The following CPQ variants were observed in gnomAD, a reference collection of about 807,000 sequenced individuals.
CPQ encodes the protein carboxypeptidase Q, also known as Ser-Met dipeptidase.
Under a neutral mutation model 45.7 loss-of-function variants are expected in CPQ, and 37 were observed. The ratio of observed to expected loss-of-function variants is 0.81; its 90% confidence interval spans 0.62 to 1.07. CPQ has a LOEUF of 1.07. CPQ is among the 50% of genes least tolerant of loss of function. The probability of loss-of-function intolerance (pLI) is 0.00; values close to 1 mark genes in which losing one functional copy is unlikely to be tolerated. For synonymous variants in CPQ, 186 were observed against 205.8 expected (o/e 0.90, Z 0.82); for missense variants, 537 against 572.9 (o/e 0.94, Z 0.64).
intron 5 of CPQ, among the ~76,000 whole-genome samples, chr8:96,991,563 ATAATAAT>A (rs1312780377): frequency 3.2e-5 from 1 of 31,200 alleles, no homozygotes; most frequent in Non-Finnish European, 5.5e-5. Flanking sequence ...CATAATAATA[ATAATAAT>A]AATAATAATA....
intron 4 of CPQ, among the ~76,000 whole-genome samples, chr8:96,893,931 G>GTCTGACT (rs1178442849): frequency 6.6e-6 from 1 of 152,150 alleles, no homozygotes; most frequent in Non-Finnish European, 1.5e-5. Context: ...TGTACTTAGT[G>GTCTGACT]TCTGACTTCT....
At chr8:97,065,376 G>A (rs148875942) in intron 6 of CPQ, among the ~76,000 whole-genome samples, 2,088 of 152,270 alleles carry the variant, frequency 0.014, 25 homozygotes, top group South Asian at 0.051. Context: ...GCCTGGCAGC[G>A]TTGCCTGGAA....
chr8:96,843,851 T>C (rs1811650150), intron 3 of CPQ, among the ~76,000 whole-genome samples: 1 of 152,216 alleles, frequency 6.6e-6, no homozygotes, highest in African/African-American at 2.4e-5. Context: ...TTATGTAAAT[T>C]TCGGCAAAGT....
At chr8:97,120,014 G>C (rs774671541) in intron 7 of CPQ, among the ~76,000 whole-genome samples, 1 of 152,194 alleles carries the variant, frequency 6.6e-6, no homozygotes, top group Non-Finnish European at 1.5e-5. Context: ...GCTTGTTTCT[G>C]TTAAAACTTG....
At chr8:96,771,611 A>G (rs1380180750) in intron 1 of CPQ, among the ~76,000 whole-genome samples, 1 of 152,138 alleles carries the variant, frequency 6.6e-6, no homozygotes. Context: ...ATGAATGACT[A>G]TAAGAAGAAA....
At chr8:97,053,930 G>A (rs1388264371) in intron 6 of CPQ, among the ~76,000 whole-genome samples, 2 of 152,066 alleles carry the variant, frequency 1.3e-5, no homozygotes, top group Admixed American at 6.6e-5. Context: ...TGCATATGGA[G>A]TATGAGAGAA....
intron 1 of CPQ, among the ~76,000 whole-genome samples, chr8:96,711,788 A>G (rs1809611416): frequency 6.6e-6 from 1 of 152,104 alleles, no homozygotes; most frequent in Non-Finnish European, 1.5e-5. Context: ...CAGCCAAACC[A>G]TATCATTCTG....
chr8:96,822,223 G>A (rs1811317367), intron 2 of CPQ, among the ~76,000 whole-genome samples: 1 of 151,930 alleles, frequency 6.6e-6, no homozygotes, highest in Non-Finnish European at 1.5e-5. Flanking sequence ...TGTTGCAAAT[G>A]ACAATATTTC....
intron 1 of CPQ, among the ~76,000 whole-genome samples, chr8:96,743,921 G>C (rs947353173): frequency 6.6e-6 from 1 of 150,382 alleles, no homozygotes; most frequent in East Asian, 2.0e-4. Flanking sequence ...GGTTACTGCT[G>C]TCTTTTTGTT....
chr8:96,768,938 G>T lies in CPQ; in HGVS notation c.-34-15926G>T, dbSNP rs186488361. ...CTAGTTTAGAGGAAGATAACATGGG[G>T]AAAACATGCTGTTTAGCAATAAAAA... On this transcript the variant is annotated intron_variant, in intron 1 of 7. Coordinates refer to ENST00000220763, the MANE Select transcript of CPQ (RefSeq NM_016134.4). 4.8e-4 allele frequency among the ~76,000 whole-genome samples: 73 copies of T among 152,300 alleles called. 1 individual carries two copies. The highest frequency in any genetic ancestry group is 1.8e-3 in the African/African-American group (73 of 41,574).
intron 5 of CPQ, among the ~76,000 whole-genome samples, chr8:96,986,622 T>A (rs2130397153): frequency 6.6e-6 from 1 of 152,194 alleles, no homozygotes; most frequent in East Asian, 1.9e-4. Flanking sequence ...TGAAGGACAG[T>A]GGGCAGAACA....
intron 5 of CPQ, among the ~76,000 whole-genome samples, chr8:96,976,499 TC>T (rs1813788781): frequency 6.6e-6 from 1 of 151,540 alleles, no homozygotes. Flanking sequence ...AGAAAAAACA[TC>T]CTAAAATTAA....
intron 7 of CPQ, among the ~76,000 whole-genome samples, chr8:97,103,423 T>TAA (rs1439161676): frequency 2.0e-5 from 3 of 152,200 alleles, no homozygotes; most frequent in African/African-American, 7.2e-5. Context: ...TTTTTTAAAC[T>TAA]CTAGTGTTAT....
At chr8:96,976,563 C>T (rs544359567) in intron 5 of CPQ, among the ~76,000 whole-genome samples, 2 of 152,136 alleles carry the variant, frequency 1.3e-5, no homozygotes, top group Non-Finnish European at 2.9e-5. Context: ...GCAAAAAGAA[C>T]AAATCTGGAA....
intron 1 of CPQ, among the ~76,000 whole-genome samples, chr8:96,774,423 T>A (rs544563184): frequency 6.6e-6 from 1 of 152,076 alleles, no homozygotes; most frequent in African/African-American, 2.4e-5. Flanking sequence ...ATAAATCTGG[T>A]GGCAATGTGG....
At chr8:96,931,805 G>A (rs1417938555) in intron 4 of CPQ, among the ~76,000 whole-genome samples, 2 of 152,168 alleles carry the variant, frequency 1.3e-5, no homozygotes, top group Admixed American at 1.3e-4. Flanking sequence ...ACTTCATTTG[G>A]TAGGGCTGGG....
At chr8:96,985,352 T>C (rs1469180897) in intron 5 of CPQ, among the ~76,000 whole-genome samples, 1 of 152,134 alleles carries the variant, frequency 6.6e-6, no homozygotes, top group Non-Finnish European at 1.5e-5. Context: ...CCTTCTGTAA[T>C]CCATACAGAA....
intron 7 of CPQ, among the ~76,000 whole-genome samples, chr8:97,126,508 G>C (rs998533146): frequency 1.3e-5 from 2 of 152,092 alleles, no homozygotes; most frequent in Non-Finnish European, 2.9e-5. Context: ...AACTTTCACA[G>C]TACATAGAAA....
chr8:96,730,915 A>G (rs915611826), intron 1 of CPQ, among the ~76,000 whole-genome samples: 2 of 118,180 alleles, frequency 1.7e-5, no homozygotes, highest in African/African-American at 2.9e-5. Context: ...AAAAAGATAC[A>G]TTTAACACCT....
Sources: allele counts gnomAD v4.1 joint callset (sites outside exome capture counted in the v4.1 genomes callset), GRCh38; gene constraint gnomAD v4.1.1; transcripts MANE v1.5; gene names NCBI Gene and HGNC (gene_info 2026-07-23, HGNC 2026-07-21).